IFT57: variants seen among roughly 807,000 people sequenced by gnomAD.
IFT57 encodes intraflagellar transport 57, also known as intraflagellar transport protein 57 homolog.
In IFT57, 59 loss-of-function variants were observed where a neutral mutation model predicts 56.8. The observed-to-expected ratio is 1.04, with a 90% CI of 0.84 to 1.29. The LOEUF (loss-of-function observed/expected upper bound fraction) is 1.29. Among genes scored for constraint, IFT57 ranks in the 50% most tolerant of loss-of-function variants. The pLI is 0.00. For synonymous variants in IFT57, 209 were observed against 186.1 expected (o/e 1.12, Z -1.00); for missense variants, 470 against 522.1 (o/e 0.90, Z 0.97).
At chr3:108,166,107 T>C (rs991631949) in intron 8 of IFT57, among the ~76,000 whole-genome samples, 1 of 151,768 alleles carries the variant, frequency 6.6e-6, no homozygotes, top group Non-Finnish European at 1.5e-5. Context: ...TATTTAGTCT[T>C]TGAGGACTTC....
chr3:108,222,161 G>T lies in IFT57; in HGVS notation c.162C>A (p.Leu54=). ...MEDLVEKLKL[L]RYEEEFLRKS... ...TCCGGAGGAACTCCTCCTCGTAGCG[G>T]AGCAGCTTCAGCTTCTCCACCAAGT... The change falls in exon 1 of 11, where the codon CTC becomes CTA. Residue 54 remains leucine, a synonymous_variant. Transcript: ENST00000264538. 6.2e-7 allele frequency: 1 copy of T among 1,613,722 alleles called. No individual in the cohort carries two copies. Among genetic ancestry groups the T allele is most frequent in the South Asian group, 1.1e-5 (1 of 91,028 alleles).
chr3:108,217,521 AT>A (rs2080379314), intron 3 of IFT57, among the ~76,000 whole-genome samples: 1 of 152,036 alleles, frequency 6.6e-6, no homozygotes, highest in Non-Finnish European at 1.5e-5. Context: ...TGAAATTGCC[AT>A]TTTTTAGTTT....
chr3:108,181,862 T>A (rs1489286474), intron 6 of IFT57, among the ~76,000 whole-genome samples: 3 of 152,104 alleles, frequency 2.0e-5, no homozygotes, highest in Non-Finnish European at 2.9e-5. Context: ...TAATTTTTTT[T>A]ATTTGGCACC....
intron 2 of IFT57, 23 bp from the exon 3 acceptor site, chr3:108,218,676 G>A (rs1207386762): frequency 8.0e-7 from 1 of 1,246,072 alleles, no homozygotes; most frequent in African/African-American, 1.6e-5. Context: ...AGAAAAAACA[G>A]GGTATTATTT....
At chr3:108,179,691 A>G (rs898964162) in intron 6 of IFT57, among the ~76,000 whole-genome samples, 2 of 151,988 alleles carry the variant, frequency 1.3e-5, no homozygotes, top group Admixed American at 6.6e-5. Context: ...TGTCTATTCA[A>G]TTAAATAACT....
At chr3:108,172,333 G>A (rs2080098226) in intron 6 of IFT57, among the ~76,000 whole-genome samples, 1 of 152,024 alleles carries the variant, frequency 6.6e-6, no homozygotes. Context: ...ATGGGCTGGG[G>A]AGGATGGATC....
intron 6 of IFT57, among the ~76,000 whole-genome samples, chr3:108,179,651 TGA>T (rs1486567804): frequency 6.6e-6 from 1 of 152,016 alleles, no homozygotes. Flanking sequence ...TGTATATGTG[TGA>T]GAGAAAGAGC....
intron 5 of IFT57, among the ~76,000 whole-genome samples, chr3:108,198,765 C>T (rs770057655): frequency 1.3e-5 from 2 of 151,836 alleles, no homozygotes; most frequent in Non-Finnish European, 2.9e-5. Flanking sequence ...TATTTTTGTG[C>T]CTTATTATTT....
rs765835741 is a variant in IFT57, at chr3:108,219,436, T to C, written c.349A>G (p.Asn117Asp). The C allele has an allele frequency of 1.2e-6, 2 of 1,613,894 alleles. No individual in the cohort carries two copies. Among genetic ancestry groups the C allele is most frequent in the South Asian group, 1.1e-5 (1 of 91,074 alleles). Residue 117 changes from asparagine (N) to aspartate (D), a missense_variant, in exon 2 of 11, where the codon AAC becomes GAC. By Grantham distance (23) the Asn-to-Asp change is conservative. Transcript: ENST00000264538. The part of the protein sequence containing the change: ...EYDDPNATIS[N>D]ILSELRSFGR... ...AATGACCGAAGCTCGGATAGTATGT[T>C]AGATATTGTTGCATTAGGGTCATCA... is the stretch of plus-strand genomic sequence containing the variant.
intron 3 of IFT57, 39 bp from the exon 4 acceptor site, chr3:108,214,060 T>A: frequency 7.9e-7 from 1 of 1,258,096 alleles, no homozygotes; most frequent in Non-Finnish European, 1.1e-6. Flanking sequence ...ATAATTTTAA[T>A]ATTTAGTAAG....
At chr3:108,172,868 G>A (rs1488990505) in intron 6 of IFT57, among the ~76,000 whole-genome samples, 1 of 151,708 alleles carries the variant, frequency 6.6e-6, no homozygotes, top group Non-Finnish European at 1.5e-5. Context: ...TAAGCTACTG[G>A]GACATTCATG....
chr3:108,193,419 C>G (rs977125120), intron 5 of IFT57, among the ~76,000 whole-genome samples: 14 of 152,076 alleles, frequency 9.2e-5, no homozygotes, highest in African/African-American at 3.1e-4. Flanking sequence ...TCTAACTTCA[C>G]CATTTGAGAA....
rs1271214648 is a variant in IFT57 at position 108,214,558 on chromosome 3, TA to T, written c.495-538del. ...TGGCTTCCAAAATGTTACCCTAATT[TA>T]GACTCCAAACAATACTGAAGGAGAG... On this transcript the variant is annotated intron_variant, in intron 3 of 10. Coordinates refer to ENST00000264538, the MANE Select transcript of IFT57 (RefSeq NM_018010.4). Among the ~76,000 whole-genome samples the T allele has an allele frequency of 2.6e-5, 4 of 152,248 alleles. No homozygotes were observed. In the East Asian group the frequency reaches 7.7e-4, roughly 29 times the overall value.
intron 6 of IFT57, among the ~76,000 whole-genome samples, chr3:108,181,085 C>T (rs1343214868): frequency 6.6e-6 from 1 of 151,980 alleles, no homozygotes; most frequent in Non-Finnish European, 1.5e-5. Flanking sequence ...AAAGCAAAAA[C>T]AGTCATTCTC....
At chr3:108,211,038 T>C (rs1043613344) in intron 4 of IFT57, among the ~76,000 whole-genome samples, 5 of 152,252 alleles carry the variant, frequency 3.3e-5, no homozygotes, top group Non-Finnish European at 7.3e-5. Flanking sequence ...GATGTGCCGA[T>C]AGTTTGATTT....
In IFT57 at chr3:108,214,003, T is replaced by G. The variant is rs769253401; in HGVS notation, c.513A>C (p.Glu171Asp). ...CTGCAACGCTTTCTTCTTCTAATTC[T>G]TCTACTGGGTATATTGGCCTAAAAT... is the stretch of plus-strand genomic sequence containing the variant. ...FTWKRPIYPV[E>D]ELEEESVAED... The change falls in exon 4 of 11, where the codon GAA becomes GAC. Residue 171 changes from glutamate to aspartate, a missense_variant. Coordinates refer to ENST00000264538, the MANE Select transcript of IFT57 (RefSeq NM_018010.4). The G allele has an allele frequency of 1.3e-5, 21 of 1,599,068 alleles. No individual in the cohort carries two copies. The Admixed American group carries it at 3.5e-4, about 27-fold the overall frequency.
intron 6 of IFT57, among the ~76,000 whole-genome samples, chr3:108,169,449 G>T (rs2080081279): frequency 6.6e-6 from 1 of 151,884 alleles, no homozygotes; most frequent in African/African-American, 2.4e-5. Flanking sequence ...TGTTCACTTG[G>T]ATGATAGTTT....
chr3:108,197,752 G>A (rs2080251398), intron 5 of IFT57, among the ~76,000 whole-genome samples: 1 of 152,132 alleles, frequency 6.6e-6, no homozygotes, highest in Non-Finnish European at 1.5e-5. Flanking sequence ...AGTCACAACA[G>A]CATGGTGTAA....
rs370528818 is a variant in IFT57, at chr3:108,191,550, G to C, written c.748C>G (p.Leu250Val). 1.2e-6 allele frequency: 2 copies of C among 1,604,304 alleles called. No homozygotes were observed. Among genetic ancestry groups the C allele is most frequent in the South Asian group, 2.2e-5 (2 of 89,528 alleles). Residue 250 changes from leucine to valine, a missense_variant, in exon 6 of 11, where the codon CTG (leucine) becomes GTG (valine). Coordinates refer to ENST00000264538, the MANE Select transcript of IFT57 (RefSeq NM_018010.4). Reference protein sequence around the residue: ...SLEVERVLPQLKVTIRTDNKD... With the variant: ...SLEVERVLPQVKVTIRTDNKD... The stretch of plus-strand genomic sequence containing the variant: ...TTGTCAGTCCTAATCGTGACTTTCA[G>C]TTGCGGTAGTACACGTTCCACTTCT...
Sources: gnomAD v4.1 joint callset for allele counts (sites outside exome capture counted in the v4.1 genomes callset) on GRCh38, gnomAD v4.1.1 for gene constraint, MANE v1.5 for transcripts, NCBI Gene and HGNC (gene_info 2026-07-23, HGNC 2026-07-21) for gene names.